Variants in THBS4 observed in about 807,000 individuals in gnomAD.
The protein encoded by THBS4 is thrombospondin-4.
Under a neutral mutation model 115.7 loss-of-function variants are expected in THBS4, and 90 were observed. The ratio of observed to expected loss-of-function variants is 0.78; its 90% CI spans 0.66 to 0.93. The LOEUF (loss-of-function observed/expected upper bound fraction) is 0.93, where lower values mean the gene tolerates loss of function less well. Among genes scored for constraint, THBS4 ranks in the 40% least tolerant of loss-of-function variants. The pLI is 0.00. For synonymous variants in THBS4, 460 were observed against 479.3 expected (o/e 0.96, Z 0.53); for missense variants, 1,087 against 1,232.7 (o/e 0.88, Z 1.77).
chr5:80,065,834 C>T (rs1833800369), intron 9 of THBS4, among the ~76,000 whole-genome samples: 1 of 152,114 alleles, frequency 6.6e-6, no homozygotes, highest in South Asian at 2.1e-4. Flanking sequence ...ACTACACAAT[C>T]CCCAAATGGC....
At chr5:80,021,342 G>A (rs1351888098) in intron 2 of THBS4, among the ~76,000 whole-genome samples, 1 of 152,034 alleles carries the variant, frequency 6.6e-6, no homozygotes, top group Non-Finnish European at 1.5e-5. Flanking sequence ...AAAGAGATTT[G>A]CAAAAAGGTA....
At chr5:80,001,754 T>C (rs1409636669) in intron 2 of THBS4, among the ~76,000 whole-genome samples, 2 of 152,138 alleles carry the variant, frequency 1.3e-5, no homozygotes, top group African/African-American at 4.8e-5. Context: ...TAGATAATGA[T>C]GAGAAATAAG....
intron 12 of THBS4, 41 bp downstream of exon 12, chr5:80,070,791 C>G (rs1834018419): frequency 1.2e-6 from 2 of 1,601,016 alleles, no homozygotes; most frequent in Non-Finnish European, 1.7e-6. Context: ...TGCCACGTAC[C>G]AGGGATGATG....
intron 1 of THBS4, among the ~76,000 whole-genome samples, chr5:80,039,768 T>G (rs1270158575): frequency 6.6e-6 from 1 of 152,224 alleles, no homozygotes; most frequent in African/African-American, 2.4e-5. Context: ...TTAGTGCTTT[T>G]CCTGGTGGGC....
At chr5:80,035,262 G>T (rs1832673328), upstream of THBS4, 2 of 155,840 alleles carry the variant, frequency 1.3e-5, no homozygotes, top group South Asian at 4.1e-4. The surrounding 1 kb of genome is among the most constrained non-coding windows in gnomAD (Gnocchi z 4.6). Flanking sequence ...TCCCAGGACA[G>T]GGGATCCCGC....
chr5:80,000,257 G>A (rs1335503554), intron 2 of THBS4, among the ~76,000 whole-genome samples: 1 of 152,144 alleles, frequency 6.6e-6, no homozygotes, highest in Non-Finnish European at 1.5e-5. Context: ...GCACATAATA[G>A]ATGCTTATAG....
At chr5:80,076,628 C>T (rs180996708) in intron 15 of THBS4, among the ~76,000 whole-genome samples, 2 of 152,280 alleles carry the variant, frequency 1.3e-5, no homozygotes, top group East Asian at 1.9e-4. Context: ...AGACCCTTAT[C>T]TTCTTTAGTA....
At chr5:80,056,112 A>AT in intron 3 of THBS4, 80 bp downstream of exon 3, 1 of 1,468,476 alleles carries the variant, frequency 6.8e-7, no homozygotes, top group Non-Finnish European at 9.1e-7. Context: ...GTGCTGAGAA[A>AT]TTCCTGCTGC....
chr5:80,072,443 T>C, intron 14 of THBS4, 47 bp downstream of exon 14: 2 of 1,527,758 alleles, frequency 1.3e-6, no homozygotes, highest in South Asian at 1.1e-5. Context: ...AATTCCTCTA[T>C]GCAAAGACTC....
chr5:80,050,837 G>A (rs1017592415), intron 2 of THBS4, among the ~76,000 whole-genome samples: 1 of 152,114 alleles, frequency 6.6e-6, no homozygotes, highest in Non-Finnish European at 1.5e-5. Flanking sequence ...GAGTCGGTTA[G>A]GTCTGATTTC....
chr5:80,033,504 G>C (rs1288037523), upstream of THBS4, among the ~76,000 whole-genome samples: 1 of 152,198 alleles, frequency 6.6e-6, no homozygotes, highest in East Asian at 1.9e-4. Flanking sequence ...AATCATGGTG[G>C]ACCCCACCTG....
At chr5:80,056,234 C>T (rs575062366) in intron 3 of THBS4, among the ~76,000 whole-genome samples, 17 of 152,044 alleles carry the variant, frequency 1.1e-4, no homozygotes, top group Non-Finnish European at 2.1e-4. Context: ...TCGGGTGGGG[C>T]CTAGCATATT....
chr5:80,078,601 T>G (rs1410801580), intron 17 of THBS4, among the ~76,000 whole-genome samples: 1 of 152,174 alleles, frequency 6.6e-6, no homozygotes, highest in East Asian at 1.9e-4. Flanking sequence ...GCTTAGTAGA[T>G]TTTCCAGAGT....
At position 80,055,808 on chromosome 5, in the gene THBS4, G is replaced by T. The variant is rs534778198; in HGVS notation, c.316G>T (p.Asp106Tyr). 3.1e-6 allele frequency: 5 copies of T among 1,613,732 alleles called. No homozygotes were observed. Among genetic ancestry groups the T allele is most frequent in the Non-Finnish European group, 4.2e-6 (5 of 1,179,674 alleles). Reference protein sequence around the residue: ...NKAILRYLKNDGKVHLVVFNN... With the variant: ...NKAILRYLKNYGKVHLVVFNN... ...AGCCATCCTCCGTTACCTGAAGAACGATGGGAAGGTGCATTTGGTGGTTTT... is the reference window on the plus strand; with the variant it reads ...AGCCATCCTCCGTTACCTGAAGAACTATGGGAAGGTGCATTTGGTGGTTTT... Residue 106 changes from aspartate (D) to tyrosine (Y), a missense_variant, in exon 3 of 22, where the codon GAT (aspartate) becomes TAT (tyrosine). Physicochemically the swap from Asp to Tyr is radical, Grantham distance 160. Transcript: ENST00000350881.
intron 2 of THBS4, among the ~76,000 whole-genome samples, chr5:80,018,186 G>A (rs1439193387): frequency 6.6e-6 from 1 of 151,756 alleles, no homozygotes; most frequent in African/African-American, 2.4e-5. Flanking sequence ...CTCCAATTAG[G>A]TGTATGGACT....
intron 2 of THBS4, among the ~76,000 whole-genome samples, chr5:80,011,264 T>G (rs1255308194): frequency 1.3e-5 from 2 of 152,050 alleles, no homozygotes; most frequent in African/African-American, 4.8e-5. Context: ...TTAAACGTCT[T>G]TCTTTTGTAA....
chr5:79,998,957 A>G (rs144591111), intron 2 of THBS4, among the ~76,000 whole-genome samples: 17 of 152,314 alleles, frequency 1.1e-4, no homozygotes, highest in African/African-American at 3.6e-4. Flanking sequence ...GTAACAATGA[A>G]TAAGGATGGA....
chr5:80,034,215 AC>A (rs1162723984), upstream of THBS4, among the ~76,000 whole-genome samples: 2 of 152,154 alleles, frequency 1.3e-5, no homozygotes. Context: ...CCCTGGATAG[AC>A]CTGTATTGGA....
Position 80,082,449 on chromosome 5 carries a change from G to A in THBS4, c.2728G>A (p.Val910Ile), listed in dbSNP as rs372332310. ...EGSELVADSG[V>I]TIDTTMRGGR... Reference sequence around the variant, plus strand: ...CTCTGAGTTGGTGGCTGACTCTGGCGTCACCATAGACACCACAATGCGTGG... The same window carrying A: ...CTCTGAGTTGGTGGCTGACTCTGGCATCACCATAGACACCACAATGCGTGG... Residue 910 changes from valine to isoleucine, a missense_variant, in exon 21 of 22, where the codon GTC becomes ATC. Physicochemically the swap from Val to Ile is conservative, Grantham distance 29. Transcript: ENST00000350881. 364 of 1,614,170 alleles carry A rather than the reference G, an allele frequency of 2.3e-4. 3 individuals are homozygous for A. The South Asian group carries it at 3.8e-3, about 17-fold the overall frequency.
Sources: gnomAD v4.1 joint callset for allele counts (sites outside exome capture counted in the v4.1 genomes callset) on GRCh38, gnomAD v4.1.1 for gene constraint, Gnocchi (gnomAD v3.1) non-coding constraint, MANE v1.5 for transcripts, NCBI Gene and HGNC (gene_info 2026-07-23, HGNC 2026-07-21) for gene names.